Variants in GIPR observed in about 807,000 individuals in gnomAD.
GIPR encodes gastric inhibitory polypeptide receptor, also known as GIP-R.
Under a neutral mutation model 62.2 loss-of-function variants are expected in GIPR, and 74 were observed. That is an observed-to-expected ratio of 1.19 (90% CI 0.99 to 1.44). GIPR has a LOEUF of 1.44. Ranked by LOEUF, GIPR falls within the 40% of genes most tolerant of loss-of-function variation. GIPR has a pLI of 0.00. For missense variants in GIPR, 664 were observed against 611.8 expected (o/e 1.09, Z -0.90); for synonymous variants, 256 against 262.2 (o/e 0.98, Z 0.23).
chr19:45,678,231 T>TCAGGCAGGGTGCAGGGGCTC lies in GIPR; in HGVS notation c.1152+8_1152+27dup. On this transcript the variant is annotated splice_donor_region_variant and intron_variant, in intron 12 of 13. Transcript: ENST00000590918. ...ATCTTCCTCAGCTCCTTCCAGGTGC[T>TCAGGCAGGGTGCAGGGGCTC]CAGGCAGGGTGCAGGGGCTCCATCC... 6.4e-7 allele frequency: 1 copy of TCAGGCAGGGTGCAGGGGCTC among 1,555,816 alleles called. No homozygotes were observed. Among genetic ancestry groups the TCAGGCAGGGTGCAGGGGCTC allele is most frequent in the Non-Finnish European group, 8.7e-7 (1 of 1,151,198 alleles).
At position 45,683,330 on chromosome 19, in the gene GIPR, G is replaced by T. The variant is rs1254058998; in HGVS notation, c.*1395G>T. The T allele has an allele frequency of 6.6e-6, 1 of 152,410 alleles. No homozygotes were observed. Among genetic ancestry groups the T allele is most frequent in the South Asian group, 2.1e-4 (1 of 4,832 alleles). 9.4% of individuals were successfully genotyped at this position (152,410 alleles called of 1,614,324 possible). A position where few individuals can be genotyped will look rare whatever the true frequency, so the allele number is the denominator to read the frequency against. On this transcript the variant is annotated 3_prime_UTR_variant, in exon 14 of 14. Coordinates refer to ENST00000590918, the MANE Select transcript of GIPR (RefSeq NM_000164.4). Reference sequence around the variant, plus strand: ...GTGAGGCAAGGCAGGCCTCGCAGCTGAAACTTTATATCCAGAGCAGCCAGG... The same window carrying T: ...GTGAGGCAAGGCAGGCCTCGCAGCTTAAACTTTATATCCAGAGCAGCCAGG...
chr19:45,673,757 T>G (rs1432221471), intron 5 of GIPR, among the ~76,000 whole-genome samples: 4 of 151,882 alleles, frequency 2.6e-5, no homozygotes, highest in Admixed American at 1.3e-4. Flanking sequence ...CCAGCTACTC[T>G]GGAGGCTGGG....
At position 45,670,688 on chromosome 19, in the gene GIPR, CCG is replaced by C; in HGVS notation, c.128_129del (p.Arg43GlnfsTer19). On this transcript the variant is annotated frameshift_variant, in exon 3 of 14. Transcript: ENST00000590918. LOFTEE classifies it high-confidence loss of function. ...GELYQRWERY[R>X]RECQETLAAA... ...AGCTGTACCAGCGCTGGGAACGGTA[CCG>C]CAGGGAGTGCCAGGAGACCTTGGCA... 1 of 1,613,224 alleles carries C rather than the reference CCG, an allele frequency of 6.2e-7. No individual in the cohort carries two copies.
At chr19:45,677,423 G>T in intron 9 of GIPR, 40 bp downstream of exon 9, 1 of 1,268,140 alleles carries the variant, frequency 7.9e-7, no homozygotes, top group South Asian at 1.2e-5. Flanking sequence ...GGAGGTGGGC[G>T]GGGCTTTGAG....
In GIPR at chr19:45,682,124, T is replaced by C. The variant is rs1967279464; in HGVS notation, c.*189T>C. On this transcript the variant is annotated 3_prime_UTR_variant, in exon 14 of 14. Coordinates refer to ENST00000590918, the MANE Select transcript of GIPR (RefSeq NM_000164.4). ...AAAACATCAAGTTCCACACACGCTA[T>C]GGAATGGTTATGAAGGGAAGCGAGA... 1.6e-6 allele frequency: 1 copy of C among 631,682 alleles called. No homozygotes were observed. Among genetic ancestry groups the C allele is most frequent in the Non-Finnish European group, 2.8e-6 (1 of 351,910 alleles). The allele number at this position is 631,682 out of a possible 1,614,324, so 39.1% of individuals were successfully genotyped here.
chr19:45,672,369 G>A (rs1216426984), intron 4 of GIPR, among the ~76,000 whole-genome samples: 2 of 150,788 alleles, frequency 1.3e-5, no homozygotes, highest in South Asian at 2.1e-4. Flanking sequence ...ATGCAGTGGC[G>A]TGATCTCGGC....
intron 2 of GIPR, 87 bp from the exon 3 acceptor site, chr19:45,670,548 T>C (rs1975478353): frequency 1.2e-6 from 1 of 854,070 alleles, no homozygotes; most frequent in South Asian, 1.4e-5. Flanking sequence ...CCTCAAAGTC[T>C]CTCTGGGGCG....
At position 45,672,964 on chromosome 19, in the gene GIPR, G is replaced by A. The variant is rs1435651545; in HGVS notation, c.384+10G>A. On this transcript the variant is annotated intron_variant, in intron 5 of 13. Transcript: ENST00000590918. ...GAATGAGGCCTTTCTGGTAAGAAGA[G>A]GTGAGGGCTTCAGGTTAGGAGTCCA... 2.0e-6 allele frequency: 3 copies of A among 1,485,366 alleles called. No homozygotes were observed. The highest frequency in any genetic ancestry group is 1.9e-6 in the Non-Finnish European group (2 of 1,062,466). The allele number at this position is 1,485,366 out of a possible 1,614,324, so 92.0% of individuals were successfully genotyped here. A position where few individuals can be genotyped will look rare whatever the true frequency, so the allele number is the denominator to read the frequency against.
rs199698689 is a variant in GIPR at position 45,674,027 on chromosome 19, G to T, written c.385-47G>T. ...TCCTTCCAGTCTCTCTCTGGGCCTG[G>T]GGCTTCGAGCCAAGCCTTGTTCCCT... is the stretch of plus-strand genomic sequence containing the variant. On this transcript the variant is annotated intron_variant, in intron 5 of 13. Coordinates refer to ENST00000590918, the MANE Select transcript of GIPR (RefSeq NM_000164.4). 183 of 1,087,060 alleles carry T rather than the reference G, an allele frequency of 1.7e-4. 2 individuals carry two copies. In the East Asian group the frequency reaches 3.5e-3, roughly 21 times the overall value. The allele number at this position is 1,087,060 out of a possible 1,614,324, so 67.3% of individuals were successfully genotyped here.
rs766757930 is a variant in GIPR at position 45,681,578 on chromosome 19, G to A, written c.1153-26G>A. On this transcript the variant is annotated intron_variant, in intron 12 of 13. Coordinates refer to ENST00000590918, the MANE Select transcript of GIPR (RefSeq NM_000164.4). ...TTACAGTCCTGCCCCCACCAGCGAT[G>A]TAACCTCCGCGCCTCCTCTGGGCAG... is the stretch of plus-strand genomic sequence containing the variant. 4.3e-6 allele frequency: 7 copies of A among 1,610,558 alleles called. No individual in the cohort carries two copies. In the Admixed American group the frequency reaches 1.0e-4, roughly 23 times the overall value.
chr19:45,678,984 C>T (rs1385027032), intron 12 of GIPR, among the ~76,000 whole-genome samples: 3 of 152,194 alleles, frequency 2.0e-5, no homozygotes, highest in Non-Finnish European at 4.4e-5. Context: ...ACCTGCTTCA[C>T]CTCATTCGGC....
intron 9 of GIPR, 124 bp from the exon 10 acceptor site, chr19:45,677,586 G>A: frequency 1.1e-6 from 1 of 897,670 alleles, no homozygotes; most frequent in Non-Finnish European, 1.9e-6. Context: ...GGATCGTAAT[G>A]GGCGGGACCT....
intron 4 of GIPR, among the ~76,000 whole-genome samples, chr19:45,672,418 T>C (rs1009675374): frequency 1.3e-5 from 2 of 149,188 alleles, no homozygotes; most frequent in Non-Finnish European, 3.0e-5. Context: ...GCGATTCTCC[T>C]GCCTCAGCCT....
At chr19:45,677,657 G>A (rs1267383459) in intron 9 of GIPR, 53 bp from the exon 10 acceptor site, 1 of 1,397,100 alleles carries the variant, frequency 7.2e-7, no homozygotes, top group Admixed American at 1.7e-5. Context: ...TGAGCTTGGT[G>A]ATCGGTGAGT....
At position 45,682,154 on chromosome 19, in the gene GIPR, G is replaced by C. The variant is rs554396830; in HGVS notation, c.*219G>C. The C allele has an allele frequency of 1.7e-6, 1 of 572,880 alleles. No homozygotes were observed. The highest frequency in any genetic ancestry group is 3.1e-5 in the East Asian group (1 of 32,302). 35.5% of individuals were successfully genotyped at this position (572,880 alleles called of 1,614,324 possible). Reference sequence around the variant, plus strand: ...TGGTTATGAAGGGAAGCGAGAAGGGGGCCTAGGGTGGTCTGGGAGGCGTCT... The same window carrying C: ...TGGTTATGAAGGGAAGCGAGAAGGGCGCCTAGGGTGGTCTGGGAGGCGTCT... On this transcript the variant is annotated 3_prime_UTR_variant, in exon 14 of 14. Transcript: ENST00000590918.
At chr19:45,678,527 C>T (rs1600312810) in intron 12 of GIPR, 1 of 449,984 alleles carries the variant, frequency 2.2e-6, no homozygotes, top group South Asian at 2.1e-5. Flanking sequence ...CAACACCTGG[C>T]TAATTTTGTA....
chr19:45,671,265 G>A lies in GIPR; in HGVS notation c.173-20G>A. The A allele has an allele frequency of 6.8e-7, 1 of 1,476,962 alleles. No homozygotes were observed. Among genetic ancestry groups the A allele is most frequent in the Non-Finnish European group, 9.4e-7 (1 of 1,059,614 alleles). 91.5% of individuals were successfully genotyped at this position (1,476,962 alleles called of 1,614,324 possible). A position where few individuals can be genotyped will look rare whatever the true frequency, so the allele number is the denominator to read the frequency against. ...GCGCAGTAGGTCCACTGGGCACCTGGCCCCCGTGCCCACCCCCAGGCCTCG... is the reference window on the plus strand; with the variant it reads ...GCGCAGTAGGTCCACTGGGCACCTGACCCCCGTGCCCACCCCCAGGCCTCG... On this transcript the variant is annotated intron_variant, in intron 3 of 13. Coordinates refer to ENST00000590918, the MANE Select transcript of GIPR (RefSeq NM_000164.4).
At chr19:45,675,110 TGA>T (rs1975768364) in intron 7 of GIPR, 1 of 409,704 alleles carries the variant, frequency 2.4e-6, no homozygotes, top group Non-Finnish European at 4.7e-6. Context: ...TTTTCACCAA[TGA>T]GAGAATCCAC....
At chr19:45,673,195 G>A (rs1473070395) in intron 5 of GIPR, among the ~76,000 whole-genome samples, 3 of 152,224 alleles carry the variant, frequency 2.0e-5, no homozygotes, top group Admixed American at 6.5e-5. Flanking sequence ...CAAGGAGGGT[G>A]GATCACTTGA....
Sources: allele counts gnomAD v4.1 joint callset (sites outside exome capture counted in the v4.1 genomes callset), GRCh38; gene constraint gnomAD v4.1.1; transcripts MANE v1.5; gene names NCBI Gene and HGNC (gene_info 2026-07-23, HGNC 2026-07-21).